BNC2: variants seen among roughly 807,000 people sequenced by gnomAD.
BNC2 encodes the protein zinc finger protein basonuclin-2.
In BNC2, 20 loss-of-function variants were observed where a neutral mutation model predicts 76.3. The observed-to-expected ratio is 0.26, with a 90% confidence interval of 0.18 to 0.38. BNC2 has a LOEUF of 0.38. BNC2 is among the 10% of genes least tolerant of loss of function. BNC2 has a pLI of 1.00. For missense variants in BNC2, 1,382 were observed against 1,399.8 expected (o/e 0.99, Z 0.20); for synonymous variants, 582 against 514.8 (o/e 1.13, Z -1.77).
At chr9:16,789,282 C>T (rs1311073268) in intron 1 of BNC2, among the ~76,000 whole-genome samples, 1 of 151,854 alleles carries the variant, frequency 6.6e-6, no homozygotes, top group Non-Finnish European at 1.5e-5. Context: ...AAATGTTCTT[C>T]GTCTTGATTG....
chr9:16,677,904 C>T (rs1215122259), intron 3 of BNC2, among the ~76,000 whole-genome samples: 1 of 151,988 alleles, frequency 6.6e-6, no homozygotes, highest in African/African-American at 2.4e-5. Flanking sequence ...AAAAATGTAA[C>T]CTAAATTTTA....
intron 5 of BNC2, among the ~76,000 whole-genome samples, chr9:16,529,012 C>G (rs1817897022): frequency 6.6e-6 from 1 of 152,158 alleles, no homozygotes; most frequent in Non-Finnish European, 1.5e-5. Context: ...TGTTGCATGC[C>G]TCTCTCCTAG....
intron 1 of BNC2, among the ~76,000 whole-genome samples, chr9:16,761,250 C>CA (rs980635813): frequency 7.6e-4 from 113 of 149,340 alleles, no homozygotes; most frequent in East Asian, 5.6e-3. Context: ...CGTCTCAAAA[C>CA]AAAAAACAAC....
intron 3 of BNC2, among the ~76,000 whole-genome samples, chr9:16,686,507 A>G (rs546214131): frequency 1.9e-4 from 29 of 152,270 alleles, no homozygotes; most frequent in African/African-American, 5.1e-4. Flanking sequence ...CACTAATCAT[A>G]TATCTGTCTA....
intron 1 of BNC2, among the ~76,000 whole-genome samples, chr9:16,844,157 C>A (rs1377755850): frequency 6.8e-5 from 10 of 146,124 alleles, no homozygotes; most frequent in Admixed American, 6.8e-4. Context: ...TTTTTTTTTA[C>A]GTTACAAAAA....
chr9:16,569,224 G>C (rs1587182817), intron 4 of BNC2, among the ~76,000 whole-genome samples: 1 of 151,804 alleles, frequency 6.6e-6, no homozygotes, highest in East Asian at 1.9e-4. Flanking sequence ...TATGTGAATG[G>C]CCCTTGATTT....
intron 3 of BNC2, among the ~76,000 whole-genome samples, chr9:16,641,387 T>A (rs1821487860): frequency 6.6e-6 from 1 of 151,690 alleles, no homozygotes; most frequent in Non-Finnish European, 1.5e-5. Flanking sequence ...CCCTTTCCCA[T>A]GTCTGGGAAA....
intron 5 of BNC2, among the ~76,000 whole-genome samples, chr9:16,502,123 G>C (rs543188228): frequency 6.6e-6 from 1 of 152,238 alleles, no homozygotes; most frequent in East Asian, 1.9e-4. Context: ...AGATCTTTGG[G>C]AAGTCGAGAT....
At chr9:16,861,745 T>G (rs1819414928) in intron 1 of BNC2, among the ~76,000 whole-genome samples, 1 of 152,008 alleles carries the variant, frequency 6.6e-6, no homozygotes, top group East Asian at 1.9e-4. Context: ...ATCCCAACAC[T>G]TTGGGAGGCC....
At chr9:16,716,299 C>T (rs2134796662) in intron 3 of BNC2, among the ~76,000 whole-genome samples, 1 of 152,258 alleles carries the variant, frequency 6.6e-6, no homozygotes, top group Non-Finnish European at 1.5e-5. Flanking sequence ...TTTACTGACT[C>T]CACATGTATG....
chr9:16,823,339 C>T (rs1442329436), intron 1 of BNC2, among the ~76,000 whole-genome samples: 1 of 148,304 alleles, frequency 6.7e-6, no homozygotes, highest in Non-Finnish European at 1.5e-5. Flanking sequence ...CACAGTGGCT[C>T]ATGTACTTTG....
chr9:16,428,300 C>G lies in BNC2; in HGVS notation c.2639+7255G>C, dbSNP rs116124068. On this transcript the variant is annotated intron_variant, in intron 6 of 6. Coordinates refer to ENST00000380672, the MANE Select transcript of BNC2 (RefSeq NM_017637.6). ...GTGACAGAGCAGACTAAAAAGGCAG[C>G]AGAGTTAGAGCGGCTCCCCTCCACT... Among the ~76,000 whole-genome samples the G allele has an allele frequency of 6.9e-3, 1,046 of 152,302 alleles. 10 individuals carry two copies. The highest frequency in any genetic ancestry group is 0.024 in the African/African-American group (979 of 41,564).
intron 3 of BNC2, among the ~76,000 whole-genome samples, chr9:16,618,392 C>T (rs1820770582): frequency 6.6e-6 from 1 of 152,152 alleles, no homozygotes; most frequent in Non-Finnish European, 1.5e-5. Flanking sequence ...TGAACCTTCT[C>T]ATTACCAGAA....
At chr9:16,534,086 T>A (rs991735967) in intron 5 of BNC2, among the ~76,000 whole-genome samples, 7 of 152,176 alleles carry the variant, frequency 4.6e-5, no homozygotes, top group Non-Finnish European at 8.8e-5. Context: ...CTATCCTGAA[T>A]GAATTACTAC....
intron 1 of BNC2, among the ~76,000 whole-genome samples, chr9:16,811,716 TG>T (rs1245529953): frequency 6.6e-6 from 1 of 152,146 alleles, no homozygotes; most frequent in East Asian, 1.9e-4. Context: ...TGGGAAGCTA[TG>T]CATGTGGAGG....
At chr9:16,501,175 T>C (rs944349227) in intron 5 of BNC2, among the ~76,000 whole-genome samples, 1 of 152,244 alleles carries the variant, frequency 6.6e-6, no homozygotes, top group Non-Finnish European at 1.5e-5. Context: ...TAAAATTATA[T>C]ATGTGCTCTC....
intron 1 of BNC2, among the ~76,000 whole-genome samples, chr9:16,759,849 G>C (rs143601373): frequency 0.011 from 1,593 of 151,332 alleles, 23 homozygotes; most frequent in African/African-American, 0.035. Flanking sequence ...TCAGCCTCCC[G>C]AGTAGCTGGG....
chr9:16,598,057 T>A (rs543694536), intron 3 of BNC2, among the ~76,000 whole-genome samples: 11 of 152,150 alleles, frequency 7.2e-5, no homozygotes, highest in Admixed American at 3.9e-4. Context: ...GTAATATTCA[T>A]AATAGTAGCA....
chr9:16,683,661 A>T (rs947930710), intron 3 of BNC2, among the ~76,000 whole-genome samples: 1 of 152,272 alleles, frequency 6.6e-6, no homozygotes, highest in Non-Finnish European at 1.5e-5. Flanking sequence ...AAGCTAAAAA[A>T]TACTCCTGAA....
Sources: allele counts gnomAD v4.1 joint callset (sites outside exome capture counted in the v4.1 genomes callset), GRCh38; gene constraint gnomAD v4.1.1; transcripts MANE v1.5; gene names NCBI Gene and HGNC (gene_info 2026-07-23, HGNC 2026-07-21).